The following TCL1A variants were observed in gnomAD, a reference collection of about 807,000 sequenced individuals.
TCL1A encodes T-cell leukemia/lymphoma protein 1A.
TCL1A carries 9 observed loss-of-function variants against 16.9 expected under a neutral mutation model. The ratio of observed to expected loss-of-function variants is 0.53; its 90% CI spans 0.32 to 0.93. The LOEUF is 0.93. TCL1A is among the 40% of genes least tolerant of loss of function. The probability of loss-of-function intolerance (pLI) is 0.04; values close to 1 mark genes in which losing one functional copy is unlikely to be tolerated. For missense variants in TCL1A, 139 were observed against 153.0 expected (o/e 0.91, Z 0.48); for synonymous variants, 69 against 63.2 (o/e 1.09, Z -0.44).
chr14:95,711,876 C>T, intron 2 of TCL1A, 74 bp from the exon 3 acceptor site: 1 of 1,563,326 alleles, frequency 6.4e-7, no homozygotes, highest in Non-Finnish European at 8.6e-7. Flanking sequence ...ACTCCTGCGC[C>T]TTCCCCTAGC....
At chr14:95,713,434 A>AATATTT (rs1886434103) in intron 1 of TCL1A, among the ~76,000 whole-genome samples, 1 of 152,244 alleles carries the variant, frequency 6.6e-6, no homozygotes, top group Non-Finnish European at 1.5e-5. Context: ...ATATTGATTC[A>AATATTT]ATACCGGCGC....
rs1344993103 is a variant in TCL1A, at chr14:95,711,550, G to A, written c.*6+199C>T. ...TATAGATATGAGCAGCTGCGATAAA[G>A]GGGGCTGCCTACAAAGCCCTTGGCT... On this transcript the variant is annotated intron_variant, in intron 3 of 3. Coordinates refer to ENST00000402399, the MANE Select transcript of TCL1A (RefSeq NM_021966.3). 6 of 575,686 alleles carry A rather than the reference G, an allele frequency of 1.0e-5. 1 individual carries two copies. In the Admixed American group the frequency reaches 1.8e-4, roughly 17 times the overall value. The allele number at this position is 575,686 out of a possible 1,614,324, so 35.7% of individuals were successfully genotyped here. A position where few individuals can be genotyped will look rare whatever the true frequency, so the allele number is the denominator to read the frequency against.
Position 95,714,086 on chromosome 14 carries a change from A to G in TCL1A, c.-20T>C, listed in dbSNP as rs749057622. The G allele has an allele frequency of 1.2e-6, 2 of 1,612,536 alleles. No individual in the cohort carries two copies. The highest frequency in any genetic ancestry group is 8.5e-7 in the Non-Finnish European group (1 of 1,179,852). ...GGCCATGGCGTCCTCGGGCCGCCTA[A>G]GAAGCAAGAGCCAGAGCCTCTCAAG... On this transcript the variant is annotated 5_prime_UTR_variant, in exon 1 of 4. Coordinates refer to ENST00000402399, the MANE Select transcript of TCL1A (RefSeq NM_021966.3).
chr14:95,713,585 C>G (rs1886446117), intron 1 of TCL1A, among the ~76,000 whole-genome samples: 5 of 152,312 alleles, frequency 3.3e-5, no homozygotes, highest in South Asian at 4.1e-4. Flanking sequence ...ATACAGATTT[C>G]TGGGACCCAC....
At chr14:95,713,497 A>T (rs571564756) in intron 1 of TCL1A, among the ~76,000 whole-genome samples, 2 of 152,344 alleles carry the variant, frequency 1.3e-5, no homozygotes, top group East Asian at 1.9e-4. Flanking sequence ...GCCCAGAGGT[A>T]GTGGAAAATA....
chr14:95,711,773 C>T lies in TCL1A; in HGVS notation c.327G>A (p.Glu109=). 1 of 1,612,962 alleles carries T rather than the reference C, an allele frequency of 6.2e-7. No homozygotes were observed. Among genetic ancestry groups the T allele is most frequent in the Non-Finnish European group, 8.5e-7 (1 of 1,179,994 alleles). ...CCATACATCAGTCATCTGGCAGCAG[C>T]TCGAGAAGCATGTCCTCCACGCCGT... ...KIDGVEDMLL[E]LLPDD Residue 109 remains glutamate, a synonymous_variant, in exon 3 of 4, where the codon GAG becomes GAA. Coordinates refer to ENST00000402399, the MANE Select transcript of TCL1A (RefSeq NM_021966.3).
intron 1 of TCL1A, among the ~76,000 whole-genome samples, chr14:95,713,672 C>T (rs1886455514): frequency 6.6e-6 from 1 of 152,306 alleles, no homozygotes; most frequent in Admixed American, 6.5e-5. Context: ...GACCCCGAAG[C>T]CCAGAAAATG....
intron 1 of TCL1A, chr14:95,712,700 G>A: frequency 7.4e-7 from 1 of 1,353,672 alleles, no homozygotes; most frequent in Non-Finnish European, 9.7e-7. Context: ...CCAGTGCTTT[G>A]GAAGGCAGAG....
intron 2 of TCL1A, 100 bp from the exon 3 acceptor site, chr14:95,711,902 G>A: frequency 4.1e-6 from 6 of 1,480,344 alleles, no homozygotes; most frequent in Non-Finnish European, 4.6e-6. Context: ...ACAGCAGGTA[G>A]GAACCCAGGT....
chr14:95,714,077 G>C lies in TCL1A; in HGVS notation c.-11C>G. 6.2e-7 allele frequency: 1 copy of C among 1,613,092 alleles called. No homozygotes were observed. Among genetic ancestry groups the C allele is most frequent in the South Asian group, 1.1e-5 (1 of 91,058 alleles). On this transcript the variant is annotated 5_prime_UTR_variant, in exon 1 of 4. Transcript: ENST00000402399. ...CGGGCACTCGGCCATGGCGTCCTCG[G>C]GCCGCCTAAGAAGCAAGAGCCAGAG...
chr14:95,713,548 C>G (rs2139723099), intron 1 of TCL1A, among the ~76,000 whole-genome samples: 1 of 152,290 alleles, frequency 6.6e-6, no homozygotes, highest in Non-Finnish European at 1.5e-5. Flanking sequence ...CTGGTTGACC[C>G]TAAACTGTTG....
intron 1 of TCL1A, among the ~76,000 whole-genome samples, chr14:95,713,611 T>C (rs1886449003): frequency 6.6e-6 from 1 of 152,318 alleles, no homozygotes; most frequent in Admixed American, 6.5e-5. Flanking sequence ...ATGATTCCGA[T>C]AATCGGCCAT....
intron 1 of TCL1A, chr14:95,712,667 T>C: frequency 7.1e-7 from 1 of 1,411,088 alleles, no homozygotes; most frequent in Non-Finnish European, 9.4e-7. Flanking sequence ...TCTGGCGGGT[T>C]GCAGCGGCTC....
At chr14:95,712,093 T>C in intron 2 of TCL1A, 127 bp downstream of exon 2, 2 of 1,229,770 alleles carry the variant, frequency 1.6e-6, no homozygotes, top group South Asian at 2.6e-5. Context: ...AAATCTGCAC[T>C]TGTACATTTC....
intron 1 of TCL1A, chr14:95,712,636 G>GCCA (rs1412494804): frequency 6.8e-7 from 1 of 1,468,670 alleles, no homozygotes; most frequent in Admixed American, 2.1e-5. Context: ...CCCAGACAGG[G>GCCA]CCATGAAAGG....
chr14:95,710,773 TGGA>T lies in TCL1A; in HGVS notation c.*112_*114del, dbSNP rs1479927090. On this transcript the variant is annotated 3_prime_UTR_variant, in exon 4 of 4. Coordinates refer to ENST00000402399, the MANE Select transcript of TCL1A (RefSeq NM_021966.3). ...CCATTCCTCCCAGACCCCAGCGTGG[TGGA>T]GAAGACACAGGCATAGTAAACGAAG... 1.3e-5 allele frequency: 2 copies of T among 152,612 alleles called. No individual in the cohort carries two copies. The highest frequency in any genetic ancestry group is 1.9e-4 in the East Asian group (1 of 5,192). 9.5% of individuals were successfully genotyped at this position (152,612 alleles called of 1,614,324 possible). A position where few individuals can be genotyped will look rare whatever the true frequency, so the allele number is the denominator to read the frequency against.
Position 95,710,544 on chromosome 14 carries a change from C to G in TCL1A, c.*344G>C, listed in dbSNP as rs1188936987. 1.3e-5 allele frequency: 2 copies of G among 152,456 alleles called. No homozygotes were observed. The highest frequency in any genetic ancestry group is 6.5e-5 in the Admixed American group (1 of 15,292). The allele number at this position is 152,456 out of a possible 1,614,324, so 9.4% of individuals were successfully genotyped here. A position where few individuals can be genotyped will look rare whatever the true frequency, so the allele number is the denominator to read the frequency against. On this transcript the variant is annotated 3_prime_UTR_variant, in exon 4 of 4. Transcript: ENST00000402399. ...CTGAGTGGGTGTGCAACATGAAATA[C>G]TAGTGCTGTGAGGGACAGAAGGGAC...
chr14:95,712,781 G>GAAA, intron 1 of TCL1A: 15 of 587,814 alleles, frequency 2.6e-5, no homozygotes, highest in East Asian at 1.7e-4. Context: ...GTATCTACAG[G>GAAA]AAAAAAAAAA....
chr14:95,712,012 G>C, intron 2 of TCL1A: 1 of 857,290 alleles, frequency 1.2e-6, no homozygotes, highest in Non-Finnish European at 1.8e-6. Flanking sequence ...GCTGGTGGCT[G>C]GGAGGAAGTG....
Sources: gnomAD v4.1 joint callset for allele counts (sites outside exome capture counted in the v4.1 genomes callset) on GRCh38, gnomAD v4.1.1 for gene constraint, MANE v1.5 for transcripts, NCBI Gene and HGNC (gene_info 2026-07-23, HGNC 2026-07-21) for gene names.